BRINP3: variants seen among roughly 807,000 people sequenced by gnomAD.
BRINP3 encodes the protein BMP/retinoic acid-inducible neural-specific protein 3.
BRINP3 carries 19 observed loss-of-function variants against 71.0 expected under a neutral mutation model. That is an observed-to-expected ratio of 0.27 (90% confidence interval 0.19 to 0.39). The LOEUF is 0.39. Ranked by LOEUF, BRINP3 falls within the 10% of genes least tolerant of loss-of-function variation. The probability of loss-of-function intolerance (pLI) is 1.00; values close to 1 mark genes in which losing one functional copy is unlikely to be tolerated. For missense variants in BRINP3, 959 were observed against 940.8 expected, an observed-to-expected ratio of 1.02 and a Z score of -0.25; for synonymous variants, 380 against 337.7, an observed-to-expected ratio of 1.13 and a Z score of -1.37.
intron 7 of BRINP3, among the ~76,000 whole-genome samples, chr1:190,100,732 G>C (rs1378131920): frequency 1.3e-5 from 2 of 151,898 alleles, no homozygotes; most frequent in Non-Finnish European, 2.9e-5. Context: ...CAGAATAAAA[G>C]AAAAAAATAA....
chr1:190,351,291 C>A (rs1668369383), intron 2 of BRINP3, among the ~76,000 whole-genome samples: 1 of 152,038 alleles, frequency 6.6e-6, no homozygotes, highest in Non-Finnish European at 1.5e-5. Context: ...TTGGATACAG[C>A]AGGAAGAGTA....
chr1:190,126,139 G>T (rs1382736680), intron 7 of BRINP3, among the ~76,000 whole-genome samples: 1 of 151,932 alleles, frequency 6.6e-6, no homozygotes, highest in Non-Finnish European at 1.5e-5. Context: ...ATAATTTTAT[G>T]TGCAAAATAT....
At chr1:190,447,036 G>A (rs1675263604) in intron 2 of BRINP3, among the ~76,000 whole-genome samples, 1 of 151,772 alleles carries the variant, frequency 6.6e-6, no homozygotes, top group Non-Finnish European at 1.5e-5. Flanking sequence ...ATTTAAGTTA[G>A]AAGGTGATTT....
rs572248816 is a variant in BRINP3 at position 190,256,879 on chromosome 1, T to A, written c.618+7986A>T. On this transcript the variant is annotated intron_variant, in intron 4 of 7. Transcript: ENST00000367462. ...CTTCTTTTAGTCTGACGTGCTACCC[T>A]TTGTGGGTAACCCGACCTTTCTCTC... is the stretch of plus-strand genomic sequence containing the variant. 4.3e-4 allele frequency among the ~76,000 whole-genome samples: 66 copies of A among 152,346 alleles called. 1 individual carries two copies. The highest frequency in any genetic ancestry group is 1.5e-3 in the African/African-American group (63 of 41,580).
intron 2 of BRINP3, among the ~76,000 whole-genome samples, chr1:190,354,028 C>T (rs939637004): frequency 6.6e-6 from 1 of 151,918 alleles, no homozygotes; most frequent in East Asian, 1.9e-4. Context: ...ACTTAACAAG[C>T]CACTTAAACA....
chr1:190,229,931 A>T lies in BRINP3; in HGVS notation c.725-3613T>A, dbSNP rs550303735. On this transcript the variant is annotated intron_variant, in intron 5 of 7. Coordinates refer to ENST00000367462, the MANE Select transcript of BRINP3 (RefSeq NM_199051.3). Reference sequence around the variant, plus strand: ...ATGATAAATTAATTTCAATCACATGATCAAAAATTTAATAACAAAACAGAC... The same window carrying T: ...ATGATAAATTAATTTCAATCACATGTTCAAAAATTTAATAACAAAACAGAC... Among the ~76,000 whole-genome samples, 3 of 152,124 alleles carry T rather than the reference A, an allele frequency of 2.0e-5. No individual in the cohort carries two copies. The South Asian group carries it at 6.2e-4, about 31-fold the overall frequency.
rs544840122 is a variant in BRINP3 at position 190,118,680 on chromosome 1, A to G, written c.1185-19546T>C. ...ATGGTACTCTTCTGTGCTACTTAAG[A>G]CTGCCTTTCCACAAAACCAGCTTCT... is the stretch of plus-strand genomic sequence containing the variant. On this transcript the variant is annotated intron_variant, in intron 7 of 7. Coordinates refer to ENST00000367462, the MANE Select transcript of BRINP3 (RefSeq NM_199051.3). Among the ~76,000 whole-genome samples the G allele has an allele frequency of 4.6e-5, 7 of 152,272 alleles. No homozygotes were observed. The South Asian group carries it at 1.2e-3, about 27-fold the overall frequency.
chr1:190,282,345 T>A (rs1663104587), intron 2 of BRINP3, among the ~76,000 whole-genome samples: 1 of 151,850 alleles, frequency 6.6e-6, no homozygotes, highest in Non-Finnish European at 1.5e-5. Flanking sequence ...TGGATGAATT[T>A]GGCCAAGTTA....
chr1:190,265,766 A>T lies in BRINP3; in HGVS notation c.428-711T>A, dbSNP rs1661607301. 2.0e-5 allele frequency among the ~76,000 whole-genome samples: 3 copies of T among 151,998 alleles called. No individual in the cohort carries two copies. The South Asian group carries it at 6.2e-4, about 31-fold the overall frequency. ...AGAAAGAAATTGCATTTACTCAGAA[A>T]TTTTTACCATAGAATAGAATATCCA... On this transcript the variant is annotated intron_variant, in intron 3 of 7. Coordinates refer to ENST00000367462, the MANE Select transcript of BRINP3 (RefSeq NM_199051.3).
chr1:190,332,070 T>G (rs1185344295), intron 2 of BRINP3, among the ~76,000 whole-genome samples: 1 of 152,046 alleles, frequency 6.6e-6, no homozygotes, highest in East Asian at 1.9e-4. Context: ...TAAGACAAAC[T>G]TACATCAACC....
chr1:190,476,050 AC>A (rs1677478369), intron 1 of BRINP3: 1 of 151,524 alleles, frequency 6.6e-6, no homozygotes, highest in South Asian at 2.1e-4. Flanking sequence ...AGTGGTGCGG[AC>A]CACAGTCTCA....
At chr1:190,227,449 T>C (rs1558085210) in intron 5 of BRINP3, among the ~76,000 whole-genome samples, 1 of 151,818 alleles carries the variant, frequency 6.6e-6, no homozygotes, top group Non-Finnish European at 1.5e-5. Context: ...CAGTCTCATT[T>C]TGAATAAAAT....
rs536632319 is a variant in BRINP3, at chr1:190,428,526, A to G, written c.236+26129T>C. ...ACTACAGAGGTCGTCTGAAATTTCTATCTTGTTTGTGTTCATTTAAAACAT... is the reference window on the plus strand; with the variant it reads ...ACTACAGAGGTCGTCTGAAATTTCTGTCTTGTTTGTGTTCATTTAAAACAT... On this transcript the variant is annotated intron_variant, in intron 2 of 7. Transcript: ENST00000367462. Among the ~76,000 whole-genome samples, 164 of 152,090 alleles carry G rather than the reference A, an allele frequency of 1.1e-3. 5 individuals are homozygous for G. The South Asian group carries it at 0.021, about 20-fold the overall frequency.
At chr1:190,359,894 A>C (rs1669017361) in intron 2 of BRINP3, among the ~76,000 whole-genome samples, 1 of 152,106 alleles carries the variant, frequency 6.6e-6, no homozygotes, top group Non-Finnish European at 1.5e-5. Context: ...TATCCCTCTA[A>C]CAGAATACTG....
Position 190,173,585 on chromosome 1 carries a change from T to G in BRINP3, c.962-12695A>C, listed in dbSNP as rs552570991. 2.0e-5 allele frequency among the ~76,000 whole-genome samples: 3 copies of G among 152,286 alleles called. No homozygotes were observed. In the East Asian group the frequency reaches 5.8e-4, roughly 29 times the overall value. On this transcript the variant is annotated intron_variant, in intron 6 of 7. Coordinates refer to ENST00000367462, the MANE Select transcript of BRINP3 (RefSeq NM_199051.3). ...AAATAAAGAGCAAGAATGGAAGTCT[T>G]TAAAGCAATAATTCCTAAATTGCTT...
At chr1:190,278,917 C>G (rs1304826445) in intron 3 of BRINP3, among the ~76,000 whole-genome samples, 1 of 151,108 alleles carries the variant, frequency 6.6e-6, no homozygotes, top group Non-Finnish European at 1.5e-5. Context: ...GTGGCATCCA[C>G]CATATCAACA....
chr1:190,469,604 A>C (rs910998525), intron 1 of BRINP3, among the ~76,000 whole-genome samples: 2 of 150,972 alleles, frequency 1.3e-5, no homozygotes, highest in Non-Finnish European at 3.0e-5. Flanking sequence ...GTGTATATAC[A>C]TTTACAGGGC....
At chr1:190,422,091 C>G (rs1485138643) in intron 2 of BRINP3, among the ~76,000 whole-genome samples, 2 of 151,636 alleles carry the variant, frequency 1.3e-5, no homozygotes. Context: ...AATAATTGAC[C>G]TGAGGATAAT....
intron 2 of BRINP3, among the ~76,000 whole-genome samples, chr1:190,300,691 G>T (rs566274544): frequency 6.7e-4 from 102 of 152,134 alleles, no homozygotes; most frequent in Middle Eastern, 3.4e-3. Flanking sequence ...CGGCCAGGTA[G>T]TCCAACAGAC....
Sources: gnomAD v4.1 joint callset for allele counts (sites outside exome capture counted in the v4.1 genomes callset) on GRCh38, gnomAD v4.1.1 for gene constraint, MANE v1.5 for transcripts, NCBI Gene and HGNC (gene_info 2026-07-23, HGNC 2026-07-21) for gene names.